Variants in PDE1C observed in about 807,000 individuals in gnomAD.
PDE1C encodes phosphodiesterase 1C, also known as dual specificity calcium/calmodulin-dependent 3',5'-cyclic nucleotide phosphodiesterase 1C.
Under a neutral mutation model 93.1 loss-of-function variants are expected in PDE1C, and 62 were observed. The ratio of observed to expected loss-of-function variants is 0.67; its 90% confidence interval spans 0.54 to 0.82. PDE1C has a LOEUF of 0.82. Among genes scored for constraint, PDE1C ranks in the 40% least tolerant of loss-of-function variants. PDE1C has a pLI of 0.00. For missense variants in PDE1C, 742 were observed against 884.6 expected (o/e 0.84, Z 2.04); for synonymous variants, 325 against 310.1 (o/e 1.05, Z -0.50).
chr7:32,408,511 G>A (rs1284947735), intron 1 of PDE1C, among the ~76,000 whole-genome samples: 7 of 152,180 alleles, frequency 4.6e-5, no homozygotes, highest in East Asian at 1.9e-4. Flanking sequence ...TTAAAGGGCC[G>A]GGCACGGTGT....
the PDE1C span, among the ~76,000 whole-genome samples, chr7:31,685,400 T>C: frequency 6.6e-6 from 1 of 152,234 alleles, no homozygotes; most frequent in Non-Finnish European, 1.5e-5. Flanking sequence ...GATGTTACCA[T>C]TGGATATAAC....
chr7:32,114,634 A>G (rs770278222), intron 3 of PDE1C, among the ~76,000 whole-genome samples: 3 of 152,326 alleles, frequency 2.0e-5, no homozygotes, highest in Admixed American at 6.5e-5. Flanking sequence ...TAATTGAACT[A>G]AAGAGCTCCT....
chr7:32,319,832 T>C (rs188711867), intron 1 of PDE1C, among the ~76,000 whole-genome samples: 4 of 152,338 alleles, frequency 2.6e-5, no homozygotes. Context: ...TTTCTTAAGA[T>C]AGTGTGTAAT....
chr7:32,317,582 G>T (rs1783202150), intron 1 of PDE1C, among the ~76,000 whole-genome samples: 1 of 150,150 alleles, frequency 6.7e-6, no homozygotes, highest in African/African-American at 2.5e-5. Context: ...GAGAGAAAGT[G>T]ATAGTTTTTT....
intron 1 of PDE1C, among the ~76,000 whole-genome samples, chr7:32,341,523 CAG>C (rs1272231167): frequency 1.3e-5 from 2 of 152,042 alleles, no homozygotes; most frequent in African/African-American, 4.8e-5. Context: ...ACAGATGAAA[CAG>C]GGGCAACCTG....
chr7:31,847,728 C>A, intron 9 of PDE1C: 1 of 433,116 alleles, frequency 2.3e-6, no homozygotes, highest in Non-Finnish European at 4.2e-6. Context: ...GTAGTTGGAA[C>A]TTAATCATAA....
chr7:32,358,276 C>T (rs1784068871), intron 1 of PDE1C, among the ~76,000 whole-genome samples: 2 of 151,914 alleles, frequency 1.3e-5, no homozygotes, highest in African/African-American at 2.4e-5. Flanking sequence ...TCTGCAACCC[C>T]GACAGGCATG....
chr7:32,076,485 A>G (rs1363489423), intron 3 of PDE1C, among the ~76,000 whole-genome samples: 2 of 151,984 alleles, frequency 1.3e-5, no homozygotes, highest in Non-Finnish European at 2.9e-5. Flanking sequence ...TACGAAAAAA[A>G]TATAAAAATT....
intron 1 of PDE1C, among the ~76,000 whole-genome samples, chr7:32,054,399 G>A (rs1211691989): frequency 6.6e-6 from 1 of 152,186 alleles, no homozygotes. Context: ...TCTCAAATGA[G>A]ATAGTGTATT....
chr7:31,831,766 G>A (rs988174575), intron 11 of PDE1C, among the ~76,000 whole-genome samples: 18 of 151,980 alleles, frequency 1.2e-4, no homozygotes, highest in Admixed American at 5.9e-4. Context: ...AGAAGATGGA[G>A]GGGAAGAAGA....
chr7:32,112,838 GTGTGTGTGTA>G (rs1440885057), intron 3 of PDE1C, among the ~76,000 whole-genome samples: 73 of 61,322 alleles, frequency 1.2e-3, no homozygotes, highest in East Asian at 0.012. Flanking sequence ...GTGTGTGTGT[GTGTGTGTGTA>G]TATATATATA....
At chr7:32,186,060 C>A (rs1803827550) in intron 2 of PDE1C, among the ~76,000 whole-genome samples, 1 of 150,916 alleles carries the variant, frequency 6.6e-6, no homozygotes, top group South Asian at 2.1e-4. Context: ...GATTAGTCTT[C>A]CACTTTTTTC....
At chr7:31,835,050 T>A (rs1790888123) in intron 11 of PDE1C, among the ~76,000 whole-genome samples, 1 of 152,078 alleles carries the variant, frequency 6.6e-6, no homozygotes, top group African/African-American at 2.4e-5. Flanking sequence ...GAAAAATCCC[T>A]TTCACTTGGT....
intron 1 of PDE1C, among the ~76,000 whole-genome samples, chr7:32,234,790 C>T (rs1403710548): frequency 6.6e-6 from 1 of 151,916 alleles, no homozygotes; most frequent in Non-Finnish European, 1.5e-5. Context: ...TACTCTGATA[C>T]CAAAACCAAA....
In PDE1C at chr7:32,294,567, T is replaced by C. The variant is rs558285006; in HGVS notation, c.85+4084A>G. On this transcript the variant is annotated intron_variant, in intron 1 of 18. Coordinates refer to the PDE1C transcript ENST00000396193. ...GATCAAGTGGGGCCCACTCAGGTGA[T>C]TTAAAAGAAAAAATGTGCTTTTGTT... 9.8e-5 allele frequency among the ~76,000 whole-genome samples: 15 copies of C among 152,322 alleles called. 1 individual carries two copies. The South Asian group carries it at 2.5e-3, about 25-fold the overall frequency.
intron 3 of PDE1C, among the ~76,000 whole-genome samples, chr7:32,155,044 A>T (rs1279208265): frequency 6.6e-6 from 1 of 152,142 alleles, no homozygotes; most frequent in Non-Finnish European, 1.5e-5. Context: ...GGAAATGAGC[A>T]GGCTGGTGTG....
intron 1 of PDE1C, among the ~76,000 whole-genome samples, chr7:32,226,481 G>A (rs187792751): frequency 1.2e-4 from 18 of 152,238 alleles, no homozygotes; most frequent in Non-Finnish European, 2.5e-4. Flanking sequence ...ACATCATAAC[G>A]GGTAATGATT....
chr7:31,727,650 C>G, the PDE1C span, among the ~76,000 whole-genome samples: 2 of 152,168 alleles, frequency 1.3e-5, no homozygotes, highest in African/African-American at 2.4e-5. Flanking sequence ...CAATAACTAT[C>G]TAATATCAGG....
chr7:31,959,703 C>T (rs985869354), intron 2 of PDE1C, among the ~76,000 whole-genome samples: 1 of 152,046 alleles, frequency 6.6e-6, no homozygotes, highest in Non-Finnish European at 1.5e-5. Flanking sequence ...AATAAAGTTT[C>T]CAATTGTTTA....
Sources: allele counts gnomAD v4.1 joint callset (sites outside exome capture counted in the v4.1 genomes callset), GRCh38; gene constraint gnomAD v4.1.1; transcripts MANE v1.5; gene names NCBI Gene and HGNC (gene_info 2026-07-23, HGNC 2026-07-21).